FRZB: variants seen among roughly 807,000 people sequenced by gnomAD.
The protein encoded by FRZB is frizzled related protein.
In FRZB, 34 loss-of-function variants were observed where a neutral mutation model predicts 32.5. That is an observed-to-expected ratio of 1.05 (90% CI 0.80 to 1.39). The LOEUF (loss-of-function observed/expected upper bound fraction) is 1.39. FRZB is among the 40% of genes most tolerant of loss of function. FRZB has a pLI of 0.00. For synonymous variants in FRZB, 170 were observed against 159.2 expected (o/e 1.07, Z -0.51); for missense variants, 423 against 424.8 (o/e 1.00, Z 0.04).
chr2:182,844,548 T>C (rs1695620506), intron 2 of FRZB, among the ~76,000 whole-genome samples: 1 of 152,218 alleles, frequency 6.6e-6, no homozygotes, highest in South Asian at 2.1e-4. Context: ...ATAAGTCATG[T>C]AAATAAATTA....
chr2:182,842,842 AAG>A, intron 2 of FRZB, among the ~76,000 whole-genome samples: 1 of 152,294 alleles, frequency 6.6e-6, no homozygotes, highest in African/African-American at 2.4e-5. Flanking sequence ...TTAATCCTGA[AAG>A]AGGTATGCTT....
At chr2:182,853,890 T>A (rs1299898000) in intron 2 of FRZB, among the ~76,000 whole-genome samples, 1 of 152,182 alleles carries the variant, frequency 6.6e-6, no homozygotes, top group Admixed American at 6.5e-5. Flanking sequence ...CATTAGTCAT[T>A]GTAACAAAAA....
In FRZB at chr2:182,866,408, T is replaced by A; in HGVS notation, c.145A>T (p.Asn49Tyr). Residue 49 changes from asparagine to tyrosine, a missense_variant, in exon 1 of 6, where the codon AAC (asparagine) becomes TAC (tyrosine). By Grantham distance (143) the Asn-to-Tyr change is moderately radical (BLOSUM62 -2). Transcript: ENST00000295113. The surrounding 1 kb of genome is among the most constrained non-coding windows in gnomAD (Gnocchi z 4.5). ...AGGTGGTTGGGCATCTTAGTCATGT[T>A]CCAGGGCAGGGACTTGCACAGGGGG... Reference protein sequence around the residue: ...RIPLCKSLPWNMTKMPNHLHH... With the variant: ...RIPLCKSLPWYMTKMPNHLHH... The A allele has an allele frequency of 6.2e-7, 1 of 1,610,778 alleles. No homozygotes were observed. The highest frequency in any genetic ancestry group is 1.1e-5 in the South Asian group (1 of 90,618).
At chr2:182,854,853 G>A (rs1196504327) in intron 2 of FRZB, among the ~76,000 whole-genome samples, 33 of 152,148 alleles carry the variant, frequency 2.2e-4, no homozygotes, top group Admixed American at 2.2e-3. Flanking sequence ...ACCAAAACGG[G>A]GGAATTCCAA....
intron 1 of FRZB, among the ~76,000 whole-genome samples, chr2:182,863,634 A>G (rs1257309726): frequency 6.6e-6 from 1 of 152,214 alleles, no homozygotes; most frequent in African/African-American, 2.4e-5. Context: ...ATCTAGTTGG[A>G]CAGATACTAG....
Position 182,837,947 on chromosome 2 carries a change from C to A in FRZB, c.861+1G>T. On this transcript the variant is annotated splice_donor_variant, in intron 5 of 5. Transcript: ENST00000295113. LOFTEE classifies it high-confidence loss of function. ...ACTTCAAACATAAAATACAGGCTTA[C>A]CTTAACTTTTTTACCGAGTCGATCC... The A allele has an allele frequency of 1.2e-6, 2 of 1,609,844 alleles. No individual in the cohort carries two copies. The highest frequency in any genetic ancestry group is 1.7e-6 in the Non-Finnish European group (2 of 1,177,058).
rs536963452 is a variant in FRZB, at chr2:182,866,164, C to T, written c.389G>A (p.Trp130Ter). The stretch of plus-strand genomic sequence containing the variant: ...CTCCTCGCAGGCCAGGTTCTCCGGC[C>T]ACGAGTGGCGGTACTTGATGAGTAT... ...EPILIKYRHSWPENLACEELP... is the reference protein window; with the variant it reads ...EPILIKYRHS Residue 130 changes from tryptophan (W) to a stop codon, truncating the protein, a stop_gained, in exon 1 of 6, where the codon TGG (tryptophan) becomes TAG (stop). Transcript: ENST00000295113. LOFTEE classifies it high-confidence loss of function. The surrounding 1 kb of genome is among the most constrained non-coding windows in gnomAD (Gnocchi z 4.5). 1.2e-6 allele frequency: 2 copies of T among 1,614,150 alleles called. No individual in the cohort carries two copies. Among genetic ancestry groups the T allele is most frequent in the African/African-American group, 1.3e-5 (1 of 75,052 alleles).
Position 182,866,138 on chromosome 2 carries a change from G to T in FRZB, c.415C>A (p.Leu139Met), listed in dbSNP as rs1186629825. ...SWPENLACEELPVYDRGVCIS... is the reference protein window; with the variant it reads ...SWPENLACEEMPVYDRGVCIS... ...CACACGCCCCTGTCGTACACTGGCA[G>T]CTCCTCGCAGGCCAGGTTCTCCGGC... Residue 139 changes from leucine to methionine, a missense_variant, in exon 1 of 6, where the codon CTG becomes ATG. Leu to Met is a conservative substitution (Grantham distance 15). Coordinates refer to ENST00000295113, the MANE Select transcript of FRZB (RefSeq NM_001463.4). The surrounding 1 kb of genome is among the most constrained non-coding windows in gnomAD (Gnocchi z 4.5). 5 of 1,613,978 alleles carry T rather than the reference G, an allele frequency of 3.1e-6. No individual in the cohort carries two copies. In the African/African-American group the frequency reaches 6.7e-5, roughly 22 times the overall value.
intron 2 of FRZB, among the ~76,000 whole-genome samples, chr2:182,845,491 T>A (rs1444250229): frequency 6.6e-6 from 1 of 152,190 alleles, no homozygotes. Context: ...AGATATTGAT[T>A]TTTCTGTATT....
chr2:182,864,582 T>G (rs755829016), intron 1 of FRZB, among the ~76,000 whole-genome samples: 1 of 152,240 alleles, frequency 6.6e-6, no homozygotes, highest in African/African-American at 2.4e-5. Context: ...ATTCAAAAAG[T>G]GATAAACTAA....
At chr2:182,851,690 AC>A (rs773641139) in intron 2 of FRZB, among the ~76,000 whole-genome samples, 14 of 152,234 alleles carry the variant, frequency 9.2e-5, no homozygotes, top group East Asian at 1.9e-4. Flanking sequence ...CAAAAAAAAA[AC>A]AACTTCAGTA....
chr2:182,834,670 G>A lies in FRZB; in HGVS notation c.*179C>T. ...TCTGCCCCCAAACCATTACAAAGGG[G>A]TTGAGAGAAGAGAGAAGCAGAAACC... On this transcript the variant is annotated 3_prime_UTR_variant, in exon 6 of 6. Coordinates refer to ENST00000295113, the MANE Select transcript of FRZB (RefSeq NM_001463.4). 1 of 613,806 alleles carries A rather than the reference G, an allele frequency of 1.6e-6. No homozygotes were observed. The highest frequency in any genetic ancestry group is 2.9e-6 in the Non-Finnish European group (1 of 339,378). 38.0% of individuals were successfully genotyped at this position (613,806 alleles called of 1,614,324 possible).
intron 1 of FRZB, among the ~76,000 whole-genome samples, chr2:182,860,569 A>G (rs1695819832): frequency 6.6e-6 from 1 of 152,110 alleles, no homozygotes; most frequent in Non-Finnish European, 1.5e-5. Context: ...AAAAGGTAGA[A>G]TCAAGACTGC....
chr2:182,866,517 C>T lies in FRZB; in HGVS notation c.36G>A (p.Leu12=), dbSNP rs1695895461. The change falls in exon 1 of 6, where the codon CTG becomes CTA. Residue 12 remains leucine, a synonymous_variant. Coordinates refer to ENST00000295113, the MANE Select transcript of FRZB (RefSeq NM_001463.4). The surrounding 1 kb of genome is among the most constrained non-coding windows in gnomAD (Gnocchi z 4.5). ...CAGCCAGGGCAAGCAGCCCGGCCCG[C>T]AGCAGCAGCATCCCTCCCGGGCTGC... ...VCGSPGGMLL[L]RAGLLALAAL... 1 of 1,490,842 alleles carries T rather than the reference C, an allele frequency of 6.7e-7. No homozygotes were observed. Among genetic ancestry groups the T allele is most frequent in the South Asian group, 1.3e-5 (1 of 76,360 alleles). 92.4% of individuals were successfully genotyped at this position (1,490,842 alleles called of 1,614,324 possible). A position where few individuals can be genotyped will look rare whatever the true frequency, so the allele number is the denominator to read the frequency against.
chr2:182,866,617 T>TCCGCCTCCC lies in FRZB; in HGVS notation c.-74_-66dup, dbSNP rs1416204810. On this transcript the variant is annotated 5_prime_UTR_variant, in exon 1 of 6. Transcript: ENST00000295113. This position sits in a 1 kb window ranked among gnomAD's most constrained non-coding sequence, Gnocchi z 4.5. ...ACGCCAAAAGGCCCGCTCCGCCGTCTCCGCCTCCCCCGCTGCAAGTGGACA... is the reference window on the plus strand; with the variant it reads ...ACGCCAAAAGGCCCGCTCCGCCGTCTCCGCCTCCCCCGCCTCCCCCGCTGCAAGTGGACA... 1 of 1,157,128 alleles carries TCCGCCTCCC rather than the reference T, an allele frequency of 8.6e-7. No individual in the cohort carries two copies. The highest frequency in any genetic ancestry group is 1.6e-5 in the African/African-American group (1 of 64,278). 71.7% of individuals were successfully genotyped at this position (1,157,128 alleles called of 1,614,324 possible).
At chr2:182,845,076 C>T (rs1695625565) in intron 2 of FRZB, among the ~76,000 whole-genome samples, 2 of 152,272 alleles carry the variant, frequency 1.3e-5, no homozygotes, top group South Asian at 4.2e-4. Context: ...AACCTCCTCT[C>T]ATTTATGCTT....
At position 182,837,898 on chromosome 2, in the gene FRZB, C is replaced by G. The variant is rs764980452; in HGVS notation, c.861+50G>C. 2.8e-6 allele frequency: 4 copies of G among 1,443,972 alleles called. No homozygotes were observed. The Admixed American group carries it at 7.2e-5, about 26-fold the overall frequency. 89.4% of individuals were successfully genotyped at this position (1,443,972 alleles called of 1,614,324 possible). On this transcript the variant is annotated intron_variant, in intron 5 of 5. Transcript: ENST00000295113. ...TCAATGACAGATGGCTGGTTTTCTA[C>G]TTTTGTTTTGTTTTCTGTGTATTAC...
At chr2:182,836,909 C>A (rs965772740) in intron 5 of FRZB, among the ~76,000 whole-genome samples, 1 of 152,008 alleles carries the variant, frequency 6.6e-6, no homozygotes, top group African/African-American at 2.4e-5. Context: ...CAAAATAATG[C>A]CCTCTACATT....
At chr2:182,852,548 C>A (rs1016212194) in intron 2 of FRZB, among the ~76,000 whole-genome samples, 1 of 152,140 alleles carries the variant, frequency 6.6e-6, no homozygotes, top group South Asian at 2.1e-4. Flanking sequence ...ACTCTATCTC[C>A]GCTCTGGAGA....
Sources: allele counts gnomAD v4.1 joint callset (sites outside exome capture counted in the v4.1 genomes callset), GRCh38; gene constraint gnomAD v4.1.1; non-coding constraint Gnocchi (gnomAD v3.1); transcripts MANE v1.5; gene names NCBI Gene and HGNC (gene_info 2026-07-23, HGNC 2026-07-21).